Variants in FOXJ3 observed in about 807,000 individuals in gnomAD.
FOXJ3 encodes the protein forkhead box protein J3.
A neutral mutation model predicts 76.1 loss-of-function variants in FOXJ3; 22 were observed. The observed-to-expected ratio is 0.29, with a 90% CI of 0.21 to 0.41. FOXJ3 has a LOEUF of 0.41. Among genes scored for constraint, FOXJ3 ranks in the 10% least tolerant of loss-of-function variants. The pLI, the probability that FOXJ3 is intolerant of heterozygous loss-of-function variation, is 1.00. For missense variants in FOXJ3, 613 were observed against 762.1 expected, an observed-to-expected ratio of 0.80 and a Z score of 2.30; for synonymous variants, 269 against 261.2, an observed-to-expected ratio of 1.03 and a Z score of -0.29.
At position 42,311,950 on chromosome 1, in the gene FOXJ3, T is replaced by C. The variant is rs182372240; in HGVS notation, c.-17-840A>G. 7.9e-5 allele frequency among the ~76,000 whole-genome samples: 12 copies of C among 152,276 alleles called. No homozygotes were observed. In the East Asian group the frequency reaches 2.1e-3, roughly 27 times the overall value. On this transcript the variant is annotated intron_variant, in intron 1 of 12. Coordinates refer to ENST00000361346, the MANE Select transcript of FOXJ3 (RefSeq NM_014947.5). ...ACATGGGAGGGTATCAATATTTTCA[T>C]TGGGCAGAACGATGATTCACAAATG...
chr1:42,235,642 A>G (rs55802943), intron 4 of FOXJ3, among the ~76,000 whole-genome samples: 94 of 151,646 alleles, frequency 6.2e-4, no homozygotes, highest in Non-Finnish European at 1.0e-3. Flanking sequence ...GGCTCACTGC[A>G]ACCTCTGCCT....
At chr1:42,334,706 G>A (rs772172419) in intron 1 of FOXJ3, among the ~76,000 whole-genome samples, 1 of 152,092 alleles carries the variant, frequency 6.6e-6, no homozygotes, top group Non-Finnish European at 1.5e-5. Context: ...GGTCATGGAG[G>A]GAAGGAGACG....
At position 42,222,031 on chromosome 1, in the gene FOXJ3, G is replaced by GAGA. The variant is rs1201354510; in HGVS notation, c.528+5851_528+5852insTCT. 5.1e-3 allele frequency among the ~76,000 whole-genome samples: 29 copies of GAGA among 5,672 alleles called. 7 individuals carry two copies. The highest frequency in any genetic ancestry group is 9.8e-3 in the African/African-American group (15 of 1,524). 3.7% of individuals were successfully genotyped at this position (5,672 alleles called of 152,430 possible). On this transcript the variant is annotated intron_variant, in intron 5 of 12. Coordinates refer to ENST00000361346, the MANE Select transcript of FOXJ3 (RefSeq NM_014947.5). ...GGAGGAGAAGGAGAAGGGGGAGGGG[G>GAGA]AGGAGAAGGAGAAGGAGAAGAAGAA...
chr1:42,276,149 A>C (rs1030759337), intron 3 of FOXJ3, among the ~76,000 whole-genome samples: 1 of 152,148 alleles, frequency 6.6e-6, no homozygotes, highest in Admixed American at 6.5e-5. Flanking sequence ...TGATGTCAGG[A>C]GTTCGAGATC....
At chr1:42,241,080 G>A (rs1359476735) in intron 4 of FOXJ3, among the ~76,000 whole-genome samples, 1 of 152,164 alleles carries the variant, frequency 6.6e-6, no homozygotes, top group South Asian at 2.1e-4. Flanking sequence ...TGGAATCTTG[G>A]AGAGGCTGCC....
intron 4 of FOXJ3, among the ~76,000 whole-genome samples, chr1:42,248,730 C>CTTTTTTTTTTTT (rs4019587): frequency 4.3e-5 from 4 of 92,192 alleles, no homozygotes; most frequent in African/African-American, 1.6e-4. Flanking sequence ...CCTGTTTTTT[C>CTTTTTTTTTTTT]TTTTTTTTTT....
At chr1:42,189,579 A>G (rs1031598013) in intron 9 of FOXJ3, 175 bp from the exon 10 acceptor site, 1 of 525,646 alleles carries the variant, frequency 1.9e-6, no homozygotes, top group Non-Finnish European at 3.4e-6. Flanking sequence ...ACAGGCAGAA[A>G]GGTATTATTT....
At chr1:42,254,814 T>G (rs1287291866) in intron 4 of FOXJ3, among the ~76,000 whole-genome samples, 27 of 115,208 alleles carry the variant, frequency 2.3e-4, no homozygotes, top group African/African-American at 5.7e-4. Flanking sequence ...GGGACTGTTG[T>G]GGGGTGGGGG....
chr1:42,234,386 T>G (rs1207853753), intron 4 of FOXJ3, among the ~76,000 whole-genome samples: 1 of 152,332 alleles, frequency 6.6e-6, no homozygotes, highest in East Asian at 1.9e-4. Flanking sequence ...GTCTGAAGCC[T>G]TCTTCTCTCA....
At chr1:42,203,779 T>G (rs912712501) in intron 6 of FOXJ3, among the ~76,000 whole-genome samples, 1 of 152,054 alleles carries the variant, frequency 6.6e-6, no homozygotes, top group Non-Finnish European at 1.5e-5. Context: ...ACAGATCACC[T>G]GAGGTCAGGA....
chr1:42,305,839 C>A (rs530401136), intron 2 of FOXJ3, among the ~76,000 whole-genome samples: 5 of 152,114 alleles, frequency 3.3e-5, no homozygotes, highest in Non-Finnish European at 7.3e-5. Flanking sequence ...TTTAATTGTA[C>A]ATTTTTAAAT....
At chr1:42,293,897 T>G (rs1303273866) in intron 2 of FOXJ3, among the ~76,000 whole-genome samples, 3 of 152,188 alleles carry the variant, frequency 2.0e-5, no homozygotes, top group Non-Finnish European at 4.4e-5. Flanking sequence ...GATCTAACCT[T>G]CAAAAGAGAC....
At chr1:42,280,210 G>A (rs1056142477) in intron 2 of FOXJ3, 1 of 548,242 alleles carries the variant, frequency 1.8e-6, no homozygotes, top group Non-Finnish European at 2.3e-6. Context: ...ATCTTGGGAG[G>A]GCACCAATGC....
At position 42,181,983 on chromosome 1, in the gene FOXJ3, C is replaced by G. The variant is rs1646333908; in HGVS notation, c.1687G>C (p.Val563Leu). 2 of 1,613,566 alleles carry G rather than the reference C, an allele frequency of 1.2e-6. No individual in the cohort carries two copies. The highest frequency in any genetic ancestry group is 1.7e-6 in the Non-Finnish European group (2 of 1,179,682). ...IDSRQNLPPS[V>L]MPPPGYPHIP... ...TGAGGATAACCAGGGGGTGGCATCA[C>G]TGAAGGAGGGAGATTTTGCCTAGAA... Residue 563 changes from valine (V) to leucine (L), a missense_variant, in exon 12 of 13, where the codon GTG becomes CTG. Physicochemically the swap from Val to Leu is conservative, Grantham distance 32. Coordinates refer to ENST00000361346, the MANE Select transcript of FOXJ3 (RefSeq NM_014947.5).
chr1:42,311,656 T>C (rs905648154), intron 1 of FOXJ3, among the ~76,000 whole-genome samples: 1 of 151,678 alleles, frequency 6.6e-6, no homozygotes, highest in Admixed American at 6.6e-5. Context: ...AAAAAAGTAG[T>C]AGTAGTAGTA....
intron 2 of FOXJ3, chr1:42,280,438 T>TAAAAAAAAAAAAAAAAAAAAAAAAAA (rs71065112): frequency 1.3e-5 from 1 of 76,886 alleles, no homozygotes; most frequent in Non-Finnish European, 1.9e-5. Context: ...TCAGAGATCT[T>TAAAAAAAAAAAAAAAAAAAAAAAAAA]AAAAAAAAAA....
chr1:42,283,143 A>G (rs903725495), intron 2 of FOXJ3, among the ~76,000 whole-genome samples: 1 of 152,236 alleles, frequency 6.6e-6, no homozygotes, highest in Non-Finnish European at 1.5e-5. Flanking sequence ...CCAGAATAAC[A>G]AAGAAAAATG....
At chr1:42,192,462 A>T (rs1043490097) in intron 8 of FOXJ3, among the ~76,000 whole-genome samples, 1 of 152,216 alleles carries the variant, frequency 6.6e-6, no homozygotes, top group African/African-American at 2.4e-5. Flanking sequence ...TTTTTAAAAG[A>T]AACTATTATT....
intron 2 of FOXJ3, among the ~76,000 whole-genome samples, chr1:42,284,380 A>G (rs970851768): frequency 6.6e-6 from 1 of 152,222 alleles, no homozygotes; most frequent in Non-Finnish European, 1.5e-5. Flanking sequence ...AAAATTTAGA[A>G]TGTTGGCATG....
Sources: gnomAD v4.1 joint callset for allele counts (sites outside exome capture counted in the v4.1 genomes callset) on GRCh38, gnomAD v4.1.1 for gene constraint, MANE v1.5 for transcripts, NCBI Gene and HGNC (gene_info 2026-07-23, HGNC 2026-07-21) for gene names.